The following PADI1 variants were observed in gnomAD, a reference collection of about 807,000 sequenced individuals.
The protein encoded by PADI1 is protein-arginine deiminase type-1.
In PADI1, 65 loss-of-function variants were observed where a neutral mutation model predicts 74.8. That is an observed-to-expected ratio of 0.87 (90% CI 0.71 to 1.07). PADI1 has a LOEUF of 1.07. Among genes scored for constraint, PADI1 ranks in the 50% least tolerant of loss-of-function variants. The probability of loss-of-function intolerance (pLI) is 0.00; values close to 1 mark genes in which losing one functional copy is unlikely to be tolerated. For synonymous variants in PADI1, 371 were observed against 336.2 expected (o/e 1.10, Z -1.13); for missense variants, 943 against 854.0 (o/e 1.10, Z -1.30).
chr1:17,224,941 A>G (rs1041285892), intron 4 of PADI1, among the ~76,000 whole-genome samples: 1 of 152,118 alleles, frequency 6.6e-6, no homozygotes, highest in African/African-American at 2.4e-5. Flanking sequence ...TTTAAAGGGA[A>G]AGACTCCAGA....
chr1:17,215,042 T>C (rs2071938118), intron 1 of PADI1, among the ~76,000 whole-genome samples: 2 of 152,170 alleles, frequency 1.3e-5, no homozygotes, highest in African/African-American at 4.8e-5. Context: ...GAACCAAGTC[T>C]TGAAGGCAGT....
At chr1:17,237,248 T>TCAGGCAAGGCCTGATGCC in intron 11 of PADI1, 66 bp from the exon 12 acceptor site, 1 of 1,508,076 alleles carries the variant, frequency 6.6e-7, no homozygotes, top group Non-Finnish European at 8.9e-7. Context: ...GATCTGATGA[T>TCAGGCAAGGCCTGATGCC]GACTCAGGCA....
intron 10 of PADI1, among the ~76,000 whole-genome samples, chr1:17,231,082 T>A (rs564279079): frequency 6.6e-6 from 1 of 152,216 alleles, no homozygotes; most frequent in East Asian, 1.9e-4. Flanking sequence ...AGGTGCCAAA[T>A]GTTTTCTGAA....
At chr1:17,242,062 C>CAG (rs1557486945) in intron 15 of PADI1, among the ~76,000 whole-genome samples, 1 of 152,190 alleles carries the variant, frequency 6.6e-6, no homozygotes, top group Non-Finnish European at 1.5e-5. Context: ...TAGGTCCTGG[C>CAG]AGAGACCCCC....
At chr1:17,232,072 G>T (rs1323430179) in intron 10 of PADI1, among the ~76,000 whole-genome samples, 2 of 152,094 alleles carry the variant, frequency 1.3e-5, no homozygotes, top group African/African-American at 4.8e-5. Flanking sequence ...CCGAGTAGCT[G>T]GGATTACAGG....
chr1:17,211,053 AT>A (rs2071821422), intron 1 of PADI1, among the ~76,000 whole-genome samples: 1 of 151,846 alleles, frequency 6.6e-6, no homozygotes, highest in Non-Finnish European at 1.5e-5. Flanking sequence ...CACCTGACCC[AT>A]TTTCTTGGTC....
At chr1:17,227,310 G>A (rs964832132) in intron 6 of PADI1, among the ~76,000 whole-genome samples, 6 of 151,464 alleles carry the variant, frequency 4.0e-5, no homozygotes, top group African/African-American at 1.5e-4. Flanking sequence ...CACTTTGGGA[G>A]GCCAAGGCGG....
chr1:17,212,926 C>A (rs1569752075), intron 1 of PADI1, among the ~76,000 whole-genome samples: 2 of 152,210 alleles, frequency 1.3e-5, no homozygotes, highest in African/African-American at 2.4e-5. Context: ...GTGCCGCCAC[C>A]CTCCCTAGGC....
rs2977234 is a variant in PADI1 at position 17,229,013 on chromosome 1, G to A, written c.891G>A (p.Thr297=). Residue 297 remains threonine (T), a synonymous_variant, in exon 8 of 16, where the codon ACG becomes ACA. Transcript: ENST00000375471. ...VGFRMAPWIM[T]PNTQPPEELY... is the part of the protein sequence containing the mutation. ...TCCGCATGGCCCCCTGGATCATGAC[G>A]CCCAACACTCAGCCTCCTGAGGAGC... The A allele has an allele frequency of 2.5e-5, 39 of 1,586,100 alleles. No individual in the cohort carries two copies. In the African/African-American group the frequency reaches 3.1e-4, roughly 13 times the overall value.
At chr1:17,228,193 T>G (rs973714304) in intron 6 of PADI1, among the ~76,000 whole-genome samples, 1 of 152,190 alleles carries the variant, frequency 6.6e-6, no homozygotes, top group East Asian at 1.9e-4. Flanking sequence ...GGTCTCCCTA[T>G]GTTACCCAGG....
intron 1 of PADI1, among the ~76,000 whole-genome samples, chr1:17,222,059 G>A (rs986597563): frequency 3.3e-5 from 5 of 152,188 alleles, no homozygotes; most frequent in African/African-American, 1.2e-4. Context: ...GTTTGGAAGT[G>A]TCAGATCTGG....
At chr1:17,214,594 T>C (rs1282103770) in intron 1 of PADI1, among the ~76,000 whole-genome samples, 4 of 152,242 alleles carry the variant, frequency 2.6e-5, no homozygotes, top group Non-Finnish European at 2.9e-5. Context: ...GGGGGCTACA[T>C]CATGAGACAT....
chr1:17,230,529 C>A, intron 9 of PADI1, 43 bp from the exon 10 acceptor site: 2 of 1,402,596 alleles, frequency 1.4e-6, no homozygotes, highest in Non-Finnish European at 2.0e-6. Flanking sequence ...CTGTAAACCA[C>A]CCGAAAAAGG....
chr1:17,242,750 G>A (rs528694551), intron 15 of PADI1, among the ~76,000 whole-genome samples: 77 of 152,330 alleles, frequency 5.1e-4, no homozygotes, highest in African/African-American at 1.7e-3. Flanking sequence ...CACAGTGAGC[G>A]AGTGGCGGAG....
At chr1:17,239,863 A>C in intron 14 of PADI1, 80 bp downstream of exon 14, 1 of 1,171,672 alleles carries the variant, frequency 8.5e-7, no homozygotes, top group Non-Finnish European at 1.3e-6. Flanking sequence ...GGGTTGGGTC[A>C]GAGATTCAGC....
In PADI1 at chr1:17,232,916, T is replaced by C; in HGVS notation, c.1259T>C (p.Val420Ala). 1 of 1,612,844 alleles carries C rather than the reference T, an allele frequency of 6.2e-7. No homozygotes were observed. Among genetic ancestry groups the C allele is most frequent in the Non-Finnish European group, 8.5e-7 (1 of 1,179,802 alleles). ...CTGGACGTCAGCCCGCCCGTCACGGTGGGCGGCACGGAATACCCCCTGGGC... is the reference window on the plus strand; with the variant it reads ...CTGGACGTCAGCCCGCCCGTCACGGCGGGCGGCACGGAATACCCCCTGGGC... ...GNLDVSPPVT[V>A]GGTEYPLGRI... The change falls in exon 11 of 16, where the codon GTG (valine) becomes GCG (alanine). Residue 420 changes from valine to alanine, a missense_variant. Transcript: ENST00000375471.
chr1:17,209,931 A>C (rs1002713729), intron 1 of PADI1, among the ~76,000 whole-genome samples: 1 of 151,526 alleles, frequency 6.6e-6, no homozygotes, highest in African/African-American at 2.4e-5. Context: ...GCTCACTACA[A>C]CCTCCATCTC....
intron 13 of PADI1, 25 bp downstream of exon 13, chr1:17,238,734 C>A: frequency 2.4e-6 from 3 of 1,241,694 alleles, no homozygotes; most frequent in Admixed American, 2.7e-5. Flanking sequence ...CCCGGTCACC[C>A]CTGGGGGACC....
At chr1:17,212,754 C>G (rs941624357) in intron 1 of PADI1, among the ~76,000 whole-genome samples, 1 of 152,164 alleles carries the variant, frequency 6.6e-6, no homozygotes, top group African/African-American at 2.4e-5. Flanking sequence ...CTCCAAGGCC[C>G]GTCTCTGACC....
Sources: allele counts gnomAD v4.1 joint callset (sites outside exome capture counted in the v4.1 genomes callset), GRCh38; gene constraint gnomAD v4.1.1; transcripts MANE v1.5; gene names NCBI Gene and HGNC (gene_info 2026-07-23, HGNC 2026-07-21).